SYT17: variants seen among roughly 807,000 people sequenced by gnomAD.
The protein encoded by SYT17 is synaptotagmin-17.
Under a neutral mutation model 46.7 loss-of-function variants are expected in SYT17, and 22 were observed. That is an observed-to-expected ratio of 0.47 (90% CI 0.34 to 0.67). The LOEUF is 0.67. SYT17 is among the 30% of genes least tolerant of loss of function. The pLI, the probability that SYT17 is intolerant of heterozygous loss-of-function variation, is 0.01. For synonymous variants in SYT17, 251 were observed against 248.4 expected (o/e 1.01, Z -0.10); for missense variants, 519 against 612.8 (o/e 0.85, Z 1.62).
chr16:19,171,616 C>G (rs368055475), intron 1 of SYT17: 1 of 152,178 alleles, frequency 6.6e-6, no homozygotes, highest in Non-Finnish European at 1.5e-5. Flanking sequence ...TCAGCCACCA[C>G]GCCCAGCCCT....
intron 7 of SYT17, among the ~76,000 whole-genome samples, chr16:19,261,709 A>G (rs1968988569): frequency 6.6e-6 from 1 of 152,174 alleles, no homozygotes; most frequent in African/African-American, 2.4e-5. Flanking sequence ...TTCTTCAGGT[A>G]TATTAACATT....
intron 7 of SYT17, among the ~76,000 whole-genome samples, chr16:19,243,677 G>A (rs956093569): frequency 6.6e-6 from 1 of 151,870 alleles, no homozygotes; most frequent in Non-Finnish European, 1.5e-5. Context: ...AATTAGCCAG[G>A]CATGGTGACT....
intron 7 of SYT17, among the ~76,000 whole-genome samples, chr16:19,231,056 C>A (rs939888106): frequency 2.0e-5 from 3 of 152,074 alleles, no homozygotes; most frequent in African/African-American, 7.2e-5. Flanking sequence ...CTGTGGAAAA[C>A]CCAAAGAGGG....
chr16:19,242,070 G>C (rs770502128), intron 7 of SYT17, among the ~76,000 whole-genome samples: 1 of 152,202 alleles, frequency 6.6e-6, no homozygotes, highest in Non-Finnish European at 1.5e-5. Context: ...TGGTCATCTG[G>C]ACTAGAATCT....
rs754328111 is a variant in SYT17, at chr16:19,266,907, A to G, written c.1256A>G (p.Asn419Ser). 3 of 1,613,420 alleles carry G rather than the reference A, an allele frequency of 1.9e-6. No individual in the cohort carries two copies. The highest frequency in any genetic ancestry group is 2.5e-6 in the Non-Finnish European group (3 of 1,179,916). The change falls in exon 8 of 8, where the codon AAT (asparagine) becomes AGT (serine). Residue 419 changes from asparagine (N) to serine (S), a missense_variant. Transcript: ENST00000355377. ...TVFGHNMKSS[N>S]DFIGRIVIGQ... ...TTCGGCCACAACATGAAGAGCAGCA[A>G]TGACTTCATCGGGAGGATCGTCATT...
chr16:19,242,678 AC>A (rs1967219780), intron 7 of SYT17, among the ~76,000 whole-genome samples: 1 of 151,940 alleles, frequency 6.6e-6, no homozygotes, highest in African/African-American at 2.4e-5. Context: ...GGTGTGTGCC[AC>A]CATGCCTGGC....
chr16:19,204,393 A>T (rs920217892), intron 5 of SYT17, among the ~76,000 whole-genome samples: 1 of 151,822 alleles, frequency 6.6e-6, no homozygotes, highest in Admixed American at 6.6e-5. Flanking sequence ...GGCTTGGAGG[A>T]TTTTTTGGAG....
intron 7 of SYT17, among the ~76,000 whole-genome samples, chr16:19,246,815 G>T (rs1472588565): frequency 6.6e-6 from 1 of 152,170 alleles, no homozygotes; most frequent in Non-Finnish European, 1.5e-5. Context: ...TATGAGCCAG[G>T]CACTGCGGCT....
At chr16:19,249,541 CTT>C (rs1029816125) in intron 7 of SYT17, among the ~76,000 whole-genome samples, 1 of 152,130 alleles carries the variant, frequency 6.6e-6, no homozygotes, top group African/African-American at 2.4e-5. Flanking sequence ...GTAAATAAGA[CTT>C]TAATAAGACT....
At chr16:19,210,503 T>A (rs535431830) in intron 5 of SYT17, among the ~76,000 whole-genome samples, 7 of 139,100 alleles carry the variant, frequency 5.0e-5, no homozygotes, top group East Asian at 2.0e-4. Flanking sequence ...TTTTTTTTTT[T>A]AAATACCCTT....
chr16:19,187,350 C>T (rs1290015529), intron 5 of SYT17, among the ~76,000 whole-genome samples: 3 of 152,104 alleles, frequency 2.0e-5, no homozygotes, highest in South Asian at 2.1e-4. Flanking sequence ...TGCCAAGACT[C>T]GTTTCATTAA....
intron 7 of SYT17, among the ~76,000 whole-genome samples, chr16:19,228,585 T>C (rs1354097825): frequency 6.6e-6 from 1 of 152,244 alleles, no homozygotes; most frequent in Non-Finnish European, 1.5e-5. Flanking sequence ...AAGTAGCTAT[T>C]TTTTAAAAAC....
chr16:19,184,367 C>G (rs1375380160), intron 5 of SYT17, among the ~76,000 whole-genome samples: 1 of 151,748 alleles, frequency 6.6e-6, no homozygotes, highest in Non-Finnish European at 1.5e-5. Context: ...ATGTTGGTAA[C>G]TAACCTAGAG....
At chr16:19,215,546 G>A (rs1966061889) in intron 5 of SYT17, among the ~76,000 whole-genome samples, 1 of 151,952 alleles carries the variant, frequency 6.6e-6, no homozygotes, top group African/African-American at 2.4e-5. Flanking sequence ...TACATAGTTG[G>A]GACCACAGGT....
chr16:19,251,020 AGAT>A (rs1968022748), intron 7 of SYT17, among the ~76,000 whole-genome samples: 1 of 152,132 alleles, frequency 6.6e-6, no homozygotes, highest in African/African-American at 2.4e-5. Context: ...CATTGTGTGT[AGAT>A]GTCATTTTTC....
intron 3 of SYT17, 101 bp from the exon 4 acceptor site, chr16:19,180,290 G>A (rs1381718600): frequency 6.1e-6 from 8 of 1,304,966 alleles, no homozygotes; most frequent in South Asian, 2.6e-5. Flanking sequence ...CATAAAATGA[G>A]TCTGAGAGCG....
Position 19,168,726 on chromosome 16 carries a change from G to A in SYT17, c.15+65G>A. ...GGGGGTGCCGCGCCCCCTCCGGCTG[G>A]GAGCGCGCGGAAGGGAGGGCCCACG... On this transcript the variant is annotated intron_variant, in intron 1 of 7. Coordinates refer to ENST00000355377, the MANE Select transcript of SYT17 (RefSeq NM_016524.4). This position sits in a 1 kb window ranked among gnomAD's most constrained non-coding sequence, Gnocchi z 6.9. The A allele has an allele frequency of 7.1e-7, 1 of 1,416,246 alleles. No individual in the cohort carries two copies. Among genetic ancestry groups the A allele is most frequent in the Admixed American group, 3.1e-5 (1 of 31,912 alleles). The allele number at this position is 1,416,246 out of a possible 1,614,324, so 87.7% of individuals were successfully genotyped here.
intron 7 of SYT17, among the ~76,000 whole-genome samples, chr16:19,251,247 C>T (rs2142995460): frequency 6.6e-6 from 1 of 152,294 alleles, no homozygotes; most frequent in South Asian, 2.1e-4. Flanking sequence ...GACCCGAATT[C>T]AAATCCCGCT....
chr16:19,239,232 A>T (rs1966909200), intron 7 of SYT17, among the ~76,000 whole-genome samples: 1 of 152,096 alleles, frequency 6.6e-6, no homozygotes, highest in Non-Finnish European at 1.5e-5. Flanking sequence ...AGCTATAATC[A>T]TACCACTGCA....
Sources: gnomAD v4.1 joint callset for allele counts (sites outside exome capture counted in the v4.1 genomes callset) on GRCh38, gnomAD v4.1.1 for gene constraint, Gnocchi (gnomAD v3.1) non-coding constraint, MANE v1.5 for transcripts, NCBI Gene and HGNC (gene_info 2026-07-23, HGNC 2026-07-21) for gene names.